CNTNAP2: variants seen among roughly 807,000 people sequenced by gnomAD.
CNTNAP2 encodes the protein contactin-associated protein-like 2.
Under a neutral mutation model 155.2 loss-of-function variants are expected in CNTNAP2, and 98 were observed. That is an observed-to-expected ratio of 0.63 (90% CI 0.54 to 0.75). CNTNAP2 has a LOEUF of 0.75. Ranked by LOEUF, CNTNAP2 falls within the 30% of genes least tolerant of loss-of-function variation. The pLI, the probability that CNTNAP2 is intolerant of heterozygous loss-of-function variation, is 0.00. For missense variants in CNTNAP2, 1,727 were observed against 1,688.1 expected, an observed-to-expected ratio of 1.02 and a Z score of -0.40; for synonymous variants, 651 against 631.2, an observed-to-expected ratio of 1.03 and a Z score of -0.47.
chr7:148,352,339 A>G (rs973028733), intron 21 of CNTNAP2, among the ~76,000 whole-genome samples: 6 of 152,262 alleles, frequency 3.9e-5, no homozygotes, highest in African/African-American at 1.4e-4. Flanking sequence ...ACACTGAGAC[A>G]TCATATAATT....
chr7:146,140,424 T>C (rs1469478979), intron 1 of CNTNAP2, among the ~76,000 whole-genome samples: 1 of 152,150 alleles, frequency 6.6e-6, no homozygotes, highest in Admixed American at 6.6e-5. Flanking sequence ...ATCTAATGTC[T>C]GTGGCAAGTA....
chr7:146,676,009 A>G (rs1285939218), intron 1 of CNTNAP2, among the ~76,000 whole-genome samples: 1 of 152,154 alleles, frequency 6.6e-6, no homozygotes, highest in African/African-American at 2.4e-5. Context: ...AAAATTATCT[A>G]TAACATTTGG....
At chr7:146,931,594 A>G (rs1003438604) in intron 3 of CNTNAP2, among the ~76,000 whole-genome samples, 2 of 151,080 alleles carry the variant, frequency 1.3e-5, no homozygotes, top group African/African-American at 4.9e-5. Flanking sequence ...ATCAGAGCAG[A>G]ACTGAAGGAA....
chr7:146,305,590 G>A (rs893236096), intron 1 of CNTNAP2, among the ~76,000 whole-genome samples: 16 of 152,054 alleles, frequency 1.1e-4, no homozygotes, highest in Middle Eastern at 3.4e-3. Flanking sequence ...TCTGCAGAAC[G>A]GCAAATATTG....
At chr7:146,229,744 A>T (rs1355999001) in intron 1 of CNTNAP2, among the ~76,000 whole-genome samples, 1 of 152,140 alleles carries the variant, frequency 6.6e-6, no homozygotes, top group Non-Finnish European at 1.5e-5. Context: ...TTATTAAAAA[A>T]ATCTCAATTT....
Position 147,732,616 on chromosome 7 carries a change from A to T in CNTNAP2, c.2098+93310A>T, listed in dbSNP as rs1350512141. On this transcript the variant is annotated intron_variant, in intron 13 of 23. Coordinates refer to ENST00000361727, the MANE Select transcript of CNTNAP2 (RefSeq NM_014141.6). ...AGATCCCTGAGGAATCGCCACACTG[A>T]CTTCCACAATGGTTGAACCAGTTTA... is the stretch of plus-strand genomic sequence containing the variant. 2.6e-5 allele frequency among the ~76,000 whole-genome samples: 4 copies of T among 152,282 alleles called. No individual in the cohort carries two copies. In the South Asian group the frequency reaches 6.2e-4, roughly 24 times the overall value.
chr7:146,666,917 T>A (rs969608698), intron 1 of CNTNAP2, among the ~76,000 whole-genome samples: 3 of 152,224 alleles, frequency 2.0e-5, no homozygotes, highest in Admixed American at 6.5e-5. Context: ...TGCAAATATT[T>A]TATCTCATTC....
chr7:147,839,924 GTA>G (rs202228745), intron 13 of CNTNAP2, among the ~76,000 whole-genome samples: 28 of 139,466 alleles, frequency 2.0e-4, no homozygotes, highest in African/African-American at 5.7e-4. Context: ...TGTGTGCTGT[GTA>G]TATATATATG....
At chr7:147,373,034 G>A (rs976561708) in intron 9 of CNTNAP2, among the ~76,000 whole-genome samples, 6 of 151,862 alleles carry the variant, frequency 4.0e-5, no homozygotes, top group South Asian at 2.1e-4. Context: ...CTAACTGATC[G>A]TACCGTCCAG....
intron 4 of CNTNAP2, among the ~76,000 whole-genome samples, chr7:147,059,366 A>T (rs997387289): frequency 6.6e-6 from 1 of 152,108 alleles, no homozygotes; most frequent in African/African-American, 2.4e-5. Context: ...AGTCTGGCAC[A>T]GATAATCCAG....
chr7:146,764,101 A>G (rs1417481113), intron 1 of CNTNAP2, among the ~76,000 whole-genome samples: 2 of 152,222 alleles, frequency 1.3e-5, no homozygotes, highest in South Asian at 2.1e-4. Context: ...AAAAATTGCA[A>G]CATTTACCAG....
intron 3 of CNTNAP2, among the ~76,000 whole-genome samples, chr7:147,001,468 A>T (rs892436743): frequency 7.9e-5 from 12 of 152,100 alleles, no homozygotes; most frequent in African/African-American, 2.9e-4. Flanking sequence ...ATATTGGTTT[A>T]AAGAAATTAC....
chr7:147,795,654 C>A (rs1584959021), intron 13 of CNTNAP2, among the ~76,000 whole-genome samples: 1 of 152,068 alleles, frequency 6.6e-6, no homozygotes, highest in South Asian at 2.1e-4. Flanking sequence ...CATCACAAAT[C>A]CTCCTCTCCC....
At chr7:147,489,295 A>G (rs551045601) in intron 11 of CNTNAP2, among the ~76,000 whole-genome samples, 10 of 152,290 alleles carry the variant, frequency 6.6e-5, no homozygotes, top group Non-Finnish European at 1.2e-4. Flanking sequence ...TCCCTTTGGG[A>G]TGAGTAGACA....
intron 1 of CNTNAP2, among the ~76,000 whole-genome samples, chr7:146,548,109 C>T (rs1325015539): frequency 6.6e-6 from 1 of 151,870 alleles, no homozygotes; most frequent in Non-Finnish European, 1.5e-5. Context: ...GACTCTCCCT[C>T]CTCCCACCCT....
At chr7:147,941,204 T>C (rs916234816) in intron 14 of CNTNAP2, among the ~76,000 whole-genome samples, 1 of 152,154 alleles carries the variant, frequency 6.6e-6, no homozygotes, top group African/African-American at 2.4e-5. Context: ...GACATTAGGA[T>C]GAGGCATCTC....
chr7:146,748,650 T>G (rs1801853377), intron 1 of CNTNAP2, among the ~76,000 whole-genome samples: 1 of 152,202 alleles, frequency 6.6e-6, no homozygotes, highest in African/African-American at 2.4e-5. Context: ...TTTTGAAGAT[T>G]TTAACTCAAT....
intron 13 of CNTNAP2, among the ~76,000 whole-genome samples, chr7:147,688,523 A>G (rs1183658562): frequency 1.3e-5 from 2 of 152,164 alleles, no homozygotes; most frequent in Non-Finnish European, 2.9e-5. Flanking sequence ...GTCACAAACC[A>G]TAACTGATCA....
intron 8 of CNTNAP2, among the ~76,000 whole-genome samples, chr7:147,190,291 T>C (rs920994495): frequency 6.6e-6 from 1 of 152,226 alleles, no homozygotes; most frequent in Non-Finnish European, 1.5e-5. Flanking sequence ...TTATGTAATG[T>C]ATTTTTTCCC....
Sources: allele counts gnomAD v4.1 joint callset (sites outside exome capture counted in the v4.1 genomes callset), GRCh38; gene constraint gnomAD v4.1.1; transcripts MANE v1.5; gene names NCBI Gene and HGNC (gene_info 2026-07-23, HGNC 2026-07-21).